Variants in LINGO2 observed in about 807,000 individuals in gnomAD.
The protein encoded by LINGO2 is leucine rich repeat and Ig domain containing 2.
A neutral mutation model predicts 30.6 loss-of-function variants in LINGO2; 14 were observed. The ratio of observed to expected loss-of-function variants is 0.46; its 90% CI spans 0.30 to 0.72. The LOEUF (loss-of-function observed/expected upper bound fraction) is 0.72, where lower values mean the gene tolerates loss of function less well. Among genes scored for constraint, LINGO2 ranks in the 30% least tolerant of loss-of-function variants. The pLI, the probability that LINGO2 is intolerant of heterozygous loss-of-function variation, is 0.07. For synonymous variants in LINGO2, 317 were observed against 288.5 expected, an observed-to-expected ratio of 1.10 and a Z score of -1.00; for missense variants, 729 against 751.7, an observed-to-expected ratio of 0.97 and a Z score of 0.35.
At chr9:28,579,739 A>T (rs148567923) in intron 1 of LINGO2, among the ~76,000 whole-genome samples, 1 of 152,208 alleles carries the variant, frequency 6.6e-6, no homozygotes, top group African/African-American at 2.4e-5. Context: ...CCATTTCAAC[A>T]TTCAGATTTA....
intron 2 of LINGO2, among the ~76,000 whole-genome samples, chr9:28,457,355 G>A (rs930403114): frequency 6.6e-6 from 1 of 152,244 alleles, no homozygotes; most frequent in Admixed American, 6.5e-5. Flanking sequence ...AATTTAATGT[G>A]ACTAAACTAT....
At chr9:28,460,461 A>G (rs1825032954) in intron 2 of LINGO2, among the ~76,000 whole-genome samples, 1 of 152,200 alleles carries the variant, frequency 6.6e-6, no homozygotes, top group Non-Finnish European at 1.5e-5. Flanking sequence ...CTTGCAGTAT[A>G]GGTGACTTTT....
At chr9:28,661,877 G>C (rs962985507) in intron 1 of LINGO2, among the ~76,000 whole-genome samples, 2 of 152,154 alleles carry the variant, frequency 1.3e-5, no homozygotes, top group Non-Finnish European at 2.9e-5. Context: ...GTATTCATGA[G>C]AACAAGAGAA....
chr9:27,949,671 T>C, exon 6 of LINGO2: 1 of 1,614,066 alleles, frequency 6.2e-7, no homozygotes. Flanking sequence ...TTCCAAAGTT[T>C]CCAGCAGGTT....
chr9:28,094,828 A>C (rs1826198762), intron 4 of LINGO2, among the ~76,000 whole-genome samples: 1 of 152,082 alleles, frequency 6.6e-6, no homozygotes, highest in African/African-American at 2.4e-5. Context: ...CTAATTGTGA[A>C]GTTCTTAAAA....
intron 1 of LINGO2, among the ~76,000 whole-genome samples, chr9:28,626,366 A>T (rs1028483034): frequency 6.6e-6 from 1 of 152,070 alleles, no homozygotes; most frequent in African/African-American, 2.4e-5. Flanking sequence ...CATTTCATTA[A>T]TAAAGTATTC....
intron 5 of LINGO2, among the ~76,000 whole-genome samples, chr9:28,012,065 C>G (rs913052905): frequency 2.6e-5 from 4 of 152,140 alleles, no homozygotes; most frequent in Non-Finnish European, 5.9e-5. Context: ...TGTGTCAGTA[C>G]AATCCCACCT....
intron 4 of LINGO2, among the ~76,000 whole-genome samples, chr9:28,203,596 A>G (rs1203246867): frequency 6.6e-6 from 1 of 152,218 alleles, no homozygotes; most frequent in Non-Finnish European, 1.5e-5. Flanking sequence ...TTCCATAAAG[A>G]ATGTGATAAA....
the LINGO2 span, among the ~76,000 whole-genome samples, chr9:28,705,573 C>A: frequency 6.6e-6 from 1 of 152,044 alleles, no homozygotes; most frequent in Non-Finnish European, 1.5e-5. Flanking sequence ...CAGAATGCTC[C>A]GGAGTATTTC....
At chr9:28,517,755 G>C (rs559888000) in intron 1 of LINGO2, among the ~76,000 whole-genome samples, 2 of 152,138 alleles carry the variant, frequency 1.3e-5, no homozygotes, top group South Asian at 4.2e-4. Context: ...CACAGGCTTA[G>C]GGCTGCTTGA....
At chr9:28,299,858 G>C (rs2134202806) in intron 3 of LINGO2, among the ~76,000 whole-genome samples, 1 of 152,184 alleles carries the variant, frequency 6.6e-6, no homozygotes, top group East Asian at 1.9e-4. Context: ...GATCTCAATA[G>C]GGTCTGGAAA....
the LINGO2 span, among the ~76,000 whole-genome samples, chr9:28,984,292 A>G: frequency 6.6e-6 from 1 of 152,130 alleles, no homozygotes; most frequent in Non-Finnish European, 1.5e-5. Flanking sequence ...AAGAAAAAGA[A>G]TCATTGTGAA....
At chr9:28,082,365 C>T (rs898483939) in intron 4 of LINGO2, among the ~76,000 whole-genome samples, 1 of 152,072 alleles carries the variant, frequency 6.6e-6, no homozygotes, top group Non-Finnish European at 1.5e-5. Context: ...AACATGATTA[C>T]AAATTGTCAG....
chr9:28,611,107 G>C (rs1321940658), intron 1 of LINGO2, among the ~76,000 whole-genome samples: 3 of 152,056 alleles, frequency 2.0e-5, no homozygotes, highest in Admixed American at 6.6e-5. Flanking sequence ...GTGATCAAAG[G>C]TGTTTTTGAA....
At chr9:28,412,024 TTTAGTGTACCCA>T (rs1822784229) in intron 2 of LINGO2, among the ~76,000 whole-genome samples, 1 of 151,992 alleles carries the variant, frequency 6.6e-6, no homozygotes, top group East Asian at 1.9e-4. Flanking sequence ...AGTCTGGGAT[TTTAGTGTACCCA>T]TTACCTGAGT....
chr9:29,130,520 G>A, the LINGO2 span, among the ~76,000 whole-genome samples: 1 of 152,002 alleles, frequency 6.6e-6, no homozygotes, highest in East Asian at 1.9e-4. Context: ...GATGCCCATG[G>A]CCCTCTTAAG....
At chr9:28,672,361 C>T (rs948055465), upstream of LINGO2, among the ~76,000 whole-genome samples, 2 of 151,984 alleles carry the variant, frequency 1.3e-5, no homozygotes, top group Non-Finnish European at 2.9e-5. Flanking sequence ...TTTTTTTGTG[C>T]CCTGTTTTAT....
At chr9:28,612,000 T>G (rs972261342) in intron 1 of LINGO2, among the ~76,000 whole-genome samples, 1 of 151,950 alleles carries the variant, frequency 6.6e-6, no homozygotes, top group East Asian at 1.9e-4. Context: ...TTTTGTATTC[T>G]TAGTAGAGAC....
the LINGO2 span, among the ~76,000 whole-genome samples, chr9:29,087,270 A>T: frequency 6.6e-6 from 1 of 152,202 alleles, no homozygotes; most frequent in Non-Finnish European, 1.5e-5. Context: ...TCAGTTACTC[A>T]CCTGTGGTAT....
Sources: allele counts gnomAD v4.1 joint callset (sites outside exome capture counted in the v4.1 genomes callset), GRCh38; gene constraint gnomAD v4.1.1; transcripts MANE v1.5; gene names NCBI Gene and HGNC (gene_info 2026-07-23, HGNC 2026-07-21).